SYNE3: variants seen among roughly 807,000 people sequenced by gnomAD.
SYNE3 encodes the protein spectrin repeat containing nuclear envelope family member 3.
Under a neutral mutation model 111.2 loss-of-function variants are expected in SYNE3, and 100 were observed. That is an observed-to-expected ratio of 0.90 (90% CI 0.77 to 1.06). The LOEUF (loss-of-function observed/expected upper bound fraction) is 1.06. SYNE3 is among the 50% of genes least tolerant of loss of function. The pLI, the probability that SYNE3 is intolerant of heterozygous loss-of-function variation, is 0.00. For missense variants in SYNE3, 1,160 were observed against 1,240.3 expected, an observed-to-expected ratio of 0.94 and a Z score of 0.97; for synonymous variants, 547 against 533.9, an observed-to-expected ratio of 1.02 and a Z score of -0.34.
intron 8 of SYNE3, among the ~76,000 whole-genome samples, chr14:95,448,484 C>T (rs946751735): frequency 6.6e-6 from 1 of 151,330 alleles, no homozygotes; most frequent in Non-Finnish European, 1.5e-5. Context: ...GTCAGGAGCT[C>T]GAGACCGGCC....
chr14:95,443,904 G>C (rs1409218320), intron 10 of SYNE3: 1 of 152,670 alleles, frequency 6.6e-6, no homozygotes, highest in East Asian at 1.9e-4. Context: ...CCTAAAGTCA[G>C]GCAATCTGCT....
At chr14:95,473,073 C>T (rs1888632267) in intron 2 of SYNE3, among the ~76,000 whole-genome samples, 1 of 152,236 alleles carries the variant, frequency 6.6e-6, no homozygotes. Context: ...CTCTTACCAG[C>T]TGGCAACAGG....
chr14:95,468,893 G>C (rs1203279480), intron 2 of SYNE3, among the ~76,000 whole-genome samples: 1 of 152,238 alleles, frequency 6.6e-6, no homozygotes, highest in East Asian at 1.9e-4. Context: ...GGCAGCTAAG[G>C]CTTGGTCTCT....
In SYNE3 at chr14:95,496,881, G is replaced by A. The variant is rs370495561; in HGVS notation, c.-15+19715C>T. ...CCAGCCATGAAGCAGCACTCCTGCC[G>A]GGCTCAACTATCCACTCTCGTACTC... is the stretch of plus-strand genomic sequence containing the variant. On this transcript the variant is annotated intron_variant, in intron 1 of 17. Transcript: ENST00000682763. Among the ~76,000 whole-genome samples, 125 of 152,282 alleles carry A rather than the reference G, an allele frequency of 8.2e-4. 4 individuals are homozygous for A. In the East Asian group the frequency reaches 0.022, roughly 27 times the overall value.
At chr14:95,439,469 T>G (rs1322693048) in intron 13 of SYNE3, 143 bp downstream of exon 13, 10 of 1,114,260 alleles carry the variant, frequency 9.0e-6, no homozygotes, top group Non-Finnish European at 1.3e-5. Context: ...AATAGCCAAC[T>G]GGGCCAAAGT....
At chr14:95,444,885 C>A (rs1886623461) in intron 9 of SYNE3, among the ~76,000 whole-genome samples, 1 of 152,200 alleles carries the variant, frequency 6.6e-6, no homozygotes, top group Non-Finnish European at 1.5e-5. Flanking sequence ...ACCCACCGAC[C>A]AAATCCCACC....
At chr14:95,421,677 G>A (rs907984313) in intron 17 of SYNE3, among the ~76,000 whole-genome samples, 2 of 152,230 alleles carry the variant, frequency 1.3e-5, no homozygotes, top group Non-Finnish European at 2.9e-5. Context: ...GGGCAGAGAG[G>A]CAGCTCCTGC....
At chr14:95,452,091 G>T in intron 7 of SYNE3, 156 bp downstream of exon 7, 3 of 906,386 alleles carry the variant, frequency 3.3e-6, no homozygotes, top group Non-Finnish European at 4.8e-6. Context: ...CAGTGTCTGA[G>T]CCAAGTGAGA....
At chr14:95,446,302 C>T (rs1886716077) in intron 8 of SYNE3, among the ~76,000 whole-genome samples, 1 of 152,218 alleles carries the variant, frequency 6.6e-6, no homozygotes, top group African/African-American at 2.4e-5. Context: ...TGATTCCTCT[C>T]TCCCCTCCCA....
chr14:95,447,135 C>CTTT (rs11412651), intron 8 of SYNE3, among the ~76,000 whole-genome samples: 1 of 134,572 alleles, frequency 7.4e-6, no homozygotes. Flanking sequence ...AGTGGTCATT[C>CTTT]TTTTTTTTTT....
At chr14:95,468,717 C>T (rs886212729) in intron 2 of SYNE3, among the ~76,000 whole-genome samples, 2 of 152,216 alleles carry the variant, frequency 1.3e-5, no homozygotes, top group African/African-American at 4.8e-5. Context: ...GGCTCCCTTC[C>T]TCCCCATATT....
chr14:95,426,131 G>C (rs891161866), intron 17 of SYNE3, among the ~76,000 whole-genome samples: 30 of 152,350 alleles, frequency 2.0e-4, no homozygotes, highest in African/African-American at 6.5e-4. Flanking sequence ...CTGGATCTCA[G>C]TAGTCAAGGA....
intron 1 of SYNE3, among the ~76,000 whole-genome samples, chr14:95,509,694 G>A (rs1398291475): frequency 6.6e-6 from 1 of 152,200 alleles, no homozygotes; most frequent in Non-Finnish European, 1.5e-5. Context: ...CTTGGGAGGG[G>A]CTCAGCCCTT....
In SYNE3 at chr14:95,452,275, C is replaced by T; in HGVS notation, c.1246G>A (p.Val416Ile). 6.8e-6 allele frequency: 11 copies of T among 1,613,242 alleles called. No homozygotes were observed. Among genetic ancestry groups the T allele is most frequent in the Non-Finnish European group, 7.6e-6 (9 of 1,179,482 alleles). The part of the protein sequence containing the change: ...PHNLKPLSDS[V>I]IATIQEYQSL... ...TGATACTCCTGGATGGTAGCGATGA[C>T]ACTATCAGAGAGTGGCTTCAGGTTG... Residue 416 changes from valine to isoleucine, a missense_variant, in exon 7 of 18, where the codon GTC becomes ATC. Transcript: ENST00000682763.
At chr14:95,489,926 G>A (rs567621915) in intron 1 of SYNE3, among the ~76,000 whole-genome samples, 14 of 152,322 alleles carry the variant, frequency 9.2e-5, no homozygotes, top group Admixed American at 6.5e-4. Flanking sequence ...TTCAGGCCAC[G>A]AGTGGGGGCA....
At chr14:95,486,052 T>C (rs1889531316) in intron 1 of SYNE3, among the ~76,000 whole-genome samples, 1 of 151,930 alleles carries the variant, frequency 6.6e-6, no homozygotes, top group African/African-American at 2.4e-5. Flanking sequence ...AAGGGCTGTG[T>C]CCTCTGGAAG....
At chr14:95,495,984 T>C (rs1196571047) in intron 1 of SYNE3, among the ~76,000 whole-genome samples, 2 of 152,130 alleles carry the variant, frequency 1.3e-5, no homozygotes, top group East Asian at 1.9e-4. Flanking sequence ...GCAGAGCACC[T>C]TGACAGGGCA....
At chr14:95,446,572 CCAGCGCTATCT>C (rs1197214286) in intron 8 of SYNE3, among the ~76,000 whole-genome samples, 2 of 152,146 alleles carry the variant, frequency 1.3e-5, no homozygotes, top group African/African-American at 4.8e-5. Context: ...GACACACCCC[CCAGCGCTATCT>C]GCAACAGTGT....
chr14:95,510,353 C>T (rs1174015325), intron 1 of SYNE3, among the ~76,000 whole-genome samples: 2 of 152,164 alleles, frequency 1.3e-5, no homozygotes, highest in African/African-American at 2.4e-5. Flanking sequence ...CATACTGGGA[C>T]ACAGCAACCG....
Sources: gnomAD v4.1 joint callset for allele counts (sites outside exome capture counted in the v4.1 genomes callset) on GRCh38, gnomAD v4.1.1 for gene constraint, MANE v1.5 for transcripts, NCBI Gene and HGNC (gene_info 2026-07-23, HGNC 2026-07-21) for gene names.